The following COBLL1 variants were observed in gnomAD, a reference collection of about 807,000 sequenced individuals.
The protein encoded by COBLL1 is cordon-bleu protein-like 1.
A neutral mutation model predicts 94.8 loss-of-function variants in COBLL1; 50 were observed. The observed-to-expected ratio is 0.53, with a 90% CI of 0.42 to 0.67. The LOEUF is 0.67. COBLL1 is among the 30% of genes least tolerant of loss of function. The pLI, the probability that COBLL1 is intolerant of heterozygous loss-of-function variation, is 0.00. For missense variants in COBLL1, 1,362 were observed against 1,348.7 expected (o/e 1.01, Z -0.15); for synonymous variants, 448 against 473.8 (o/e 0.95, Z 0.71).
intron 2 of COBLL1, among the ~76,000 whole-genome samples, chr2:164,745,681 T>A (rs1317842775): frequency 6.6e-6 from 1 of 152,146 alleles, no homozygotes; most frequent in Non-Finnish European, 1.5e-5. Flanking sequence ...ACAACTTTCT[T>A]AGGAATCCAG....
chr2:164,818,327 T>C lies in COBLL1; in HGVS notation c.41+22829A>G, dbSNP rs574014246. On this transcript the variant is annotated intron_variant, in intron 2 of 13. Coordinates refer to ENST00000652658, the MANE Select transcript of COBLL1 (RefSeq NM_001365672.2). ...GTATACATATACACGTGTGTATGTA[T>C]ACATATATGTATATATACATATGTG... 5.3e-3 allele frequency among the ~76,000 whole-genome samples: 793 copies of C among 150,082 alleles called. 27 individuals carry two copies. Among genetic ancestry groups the C allele is most frequent in the African/African-American group, 0.018 (750 of 40,956 alleles).
intron 3 of COBLL1, among the ~76,000 whole-genome samples, chr2:164,741,343 G>A (rs1046727194): frequency 3.9e-5 from 6 of 151,940 alleles, no homozygotes; most frequent in Non-Finnish European, 7.4e-5. Flanking sequence ...ACTTAATTTT[G>A]GAGGAGAAAA....
chr2:164,825,585 C>T (rs923560706), intron 2 of COBLL1, among the ~76,000 whole-genome samples: 3 of 152,076 alleles, frequency 2.0e-5, no homozygotes, highest in African/African-American at 7.2e-5. Context: ...TTTAAAGTTT[C>T]TATATTACAA....
In COBLL1 at chr2:164,694,792, A is replaced by C; in HGVS notation, c.2600T>G (p.Phe867Cys). 6.2e-7 allele frequency: 1 copy of C among 1,613,734 alleles called. No homozygotes were observed. Among genetic ancestry groups the C allele is most frequent in the Non-Finnish European group, 8.5e-7 (1 of 1,179,900 alleles). The change falls in exon 12 of 14, where the codon TTT becomes TGT. Residue 867 changes from phenylalanine to cysteine, a missense_variant. By Grantham distance (205) the Phe-to-Cys change is radical (BLOSUM62 -2). Transcript: ENST00000652658. The part of the protein sequence containing the change: ...ASNAQAKPSS[F>C]FLQMQKRVSG... ...TACTCTCTTCTGCATCTGCAAAAAA[A>C]AAGAGCTGGGTTTGGCCTGGGCATT...
At chr2:164,810,251 G>C (rs1684397441) in intron 2 of COBLL1, among the ~76,000 whole-genome samples, 1 of 151,346 alleles carries the variant, frequency 6.6e-6, no homozygotes, top group African/African-American at 2.4e-5. Flanking sequence ...TCTAAAAGAA[G>C]AGATTTGAAA....
intron 2 of COBLL1, among the ~76,000 whole-genome samples, chr2:164,787,493 A>G (rs966040526): frequency 7.9e-5 from 12 of 152,196 alleles, no homozygotes; most frequent in Non-Finnish European, 1.0e-4. Flanking sequence ...TACAATGTAA[A>G]CATATATCAA....
chr2:164,824,818 A>T (rs1685350073), intron 2 of COBLL1, among the ~76,000 whole-genome samples: 1 of 152,236 alleles, frequency 6.6e-6, no homozygotes, highest in South Asian at 2.1e-4. Context: ...AATTGGAAAA[A>T]TATTAAAAAT....
rs1223190986 is a variant in COBLL1, at chr2:164,822,943, A to G, written c.41+18213T>C. ...ACCACCACACCTGGCTAATTTTTGT[A>G]TATTTAGGAGAGACGGAATATTGCC... is the stretch of plus-strand genomic sequence containing the variant. On this transcript the variant is annotated intron_variant, in intron 2 of 13. Transcript: ENST00000652658. Among the ~76,000 whole-genome samples the G allele has an allele frequency of 2.0e-5, 3 of 151,870 alleles. No individual in the cohort carries two copies. In the East Asian group the frequency reaches 5.8e-4, roughly 29 times the overall value.
At chr2:164,719,134 G>A (rs1280586303) in intron 7 of COBLL1, among the ~76,000 whole-genome samples, 2 of 151,924 alleles carry the variant, frequency 1.3e-5, no homozygotes, top group Non-Finnish European at 2.9e-5. Context: ...TACAAAAGAT[G>A]TCAGCAGAGG....
chr2:164,709,370 G>T (rs1287205885), intron 7 of COBLL1, among the ~76,000 whole-genome samples: 1 of 152,168 alleles, frequency 6.6e-6, no homozygotes, highest in Non-Finnish European at 1.5e-5. Context: ...TGGGTATCAT[G>T]ATGGTAAATG....
At chr2:164,827,175 C>A (rs995546618) in intron 2 of COBLL1, among the ~76,000 whole-genome samples, 3 of 152,100 alleles carry the variant, frequency 2.0e-5, no homozygotes, top group Non-Finnish European at 2.9e-5. Flanking sequence ...TCTCGAACTC[C>A]TGAACTCAAG....
chr2:164,840,927 C>A (rs1683568017), intron 2 of COBLL1: 1 of 400,056 alleles, frequency 2.5e-6, no homozygotes, highest in East Asian at 3.7e-5. Flanking sequence ...CCTGTAGCAA[C>A]CCAGGGCAGC....
rs1295872967 is a variant in COBLL1, at chr2:164,703,673, T to G, written c.1225+771A>C. The G allele has an allele frequency of 5.4e-6, 2 of 371,046 alleles. 1 individual carries two copies. Among genetic ancestry groups the G allele is most frequent in the South Asian group, 4.2e-5 (2 of 47,562 alleles). 23.0% of individuals were successfully genotyped at this position (371,046 alleles called of 1,614,324 possible). The stretch of plus-strand genomic sequence containing the variant: ...AAGAGTGTTCCTCCTAAATGTTTCC[T>G]GTATTTGGAATATAAATTATAAAAA... On this transcript the variant is annotated intron_variant, in intron 9 of 13. Transcript: ENST00000652658.
intron 2 of COBLL1, among the ~76,000 whole-genome samples, chr2:164,803,737 A>G (rs1683945148): frequency 6.6e-6 from 1 of 152,174 alleles, no homozygotes; most frequent in South Asian, 2.1e-4. Context: ...GCTTTAATCA[A>G]TTTGTCTAAT....
chr2:164,727,164 A>C (rs1173807991), intron 5 of COBLL1: 1 of 1,419,428 alleles, frequency 7.0e-7, no homozygotes, highest in East Asian at 2.6e-5. Flanking sequence ...GAGGGGTATA[A>C]AAGAGGGTAA....
rs143772614 is a variant in COBLL1 at position 164,692,248 on chromosome 2, C to G, written c.3273G>C (p.Ser1091=). 5.6e-6 allele frequency: 9 copies of G among 1,611,474 alleles called. No individual in the cohort carries two copies. The highest frequency in any genetic ancestry group is 7.6e-6 in the Non-Finnish European group (9 of 1,178,910). The part of the protein sequence containing the change: ...MRQSLLTAIR[S]GEAAAKLKRV... ...TTTTCAATTTGGCAGCAGCCTCTCCCGAACGGATTGCAGTCAGCAAACTCT... is the reference window on the plus strand; with the variant it reads ...TTTTCAATTTGGCAGCAGCCTCTCCGGAACGGATTGCAGTCAGCAAACTCT... The change falls in exon 13 of 14, where the codon TCG becomes TCC. Residue 1091 remains serine (S), a synonymous_variant. Transcript: ENST00000652658.
chr2:164,729,425 T>C, intron 4 of COBLL1, among the ~76,000 whole-genome samples: 1 of 151,610 alleles, frequency 6.6e-6, no homozygotes, highest in East Asian at 1.9e-4. Flanking sequence ...ATTTGTACAT[T>C]AAAGAAAATG....
intron 2 of COBLL1, among the ~76,000 whole-genome samples, chr2:164,784,781 AT>A (rs1688872533): frequency 1.3e-5 from 2 of 152,070 alleles, no homozygotes; most frequent in South Asian, 2.1e-4. Context: ...GAAATTTGCT[AT>A]TTTCATTTTT....
intron 2 of COBLL1, among the ~76,000 whole-genome samples, chr2:164,766,920 G>T (rs1687959292): frequency 6.6e-6 from 1 of 152,152 alleles, no homozygotes; most frequent in African/African-American, 2.4e-5. Flanking sequence ...TTTTGATTAT[G>T]ATTAAAACAG....
Sources: gnomAD v4.1 joint callset for allele counts (sites outside exome capture counted in the v4.1 genomes callset) on GRCh38, gnomAD v4.1.1 for gene constraint, MANE v1.5 for transcripts, NCBI Gene and HGNC (gene_info 2026-07-23, HGNC 2026-07-21) for gene names.